ZNF536: variants seen among roughly 807,000 people sequenced by gnomAD.
The protein encoded by ZNF536 is zinc finger protein 536.
A neutral mutation model predicts 84.5 loss-of-function variants in ZNF536; 13 were observed. The ratio of observed to expected loss-of-function variants is 0.15; its 90% CI spans 0.10 to 0.24. The LOEUF is 0.24. Ranked by LOEUF, ZNF536 falls within the 10% of genes least tolerant of loss-of-function variation. The pLI is 1.00. For missense variants in ZNF536, 1,536 were observed against 1,747.5 expected (o/e 0.88, Z 2.16); for synonymous variants, 811 against 742.5 (o/e 1.09, Z -1.50).
intron 1 of ZNF536, among the ~76,000 whole-genome samples, chr19:30,404,729 G>A (rs888698442): frequency 2.0e-5 from 3 of 152,004 alleles, no homozygotes; most frequent in African/African-American, 4.8e-5. Context: ...CCAAATGTCC[G>A]GAGGCGGGGG....
At chr19:30,637,960 G>C (rs2049132457) in intron 1 of ZNF536, among the ~76,000 whole-genome samples, 1 of 152,192 alleles carries the variant, frequency 6.6e-6, no homozygotes, top group Non-Finnish European at 1.5e-5. Flanking sequence ...TTGCTCTGCT[G>C]TTGGATGTTT....
intron 2 of ZNF536, among the ~76,000 whole-genome samples, chr19:30,331,695 C>T (rs565452392): frequency 6.6e-6 from 1 of 152,326 alleles, no homozygotes; most frequent in South Asian, 2.1e-4. Context: ...GTGACCAACA[C>T]CTGAGCTCCT....
At chr19:30,609,773 CCCATCCATCCAT>C (rs34324485) in intron 1 of ZNF536, among the ~76,000 whole-genome samples, 1 of 136,852 alleles carries the variant, frequency 7.3e-6, no homozygotes, top group East Asian at 2.2e-4. Context: ...CACCCATCTA[CCCATCCATCCAT>C]CCATCCATCC....
At chr19:30,658,611 C>A (rs1195010174) in intron 1 of ZNF536, among the ~76,000 whole-genome samples, 1 of 152,164 alleles carries the variant, frequency 6.6e-6, no homozygotes, top group African/African-American at 2.4e-5. Flanking sequence ...TTGATGATTT[C>A]TTACCTTCCA....
intron 1 of ZNF536, among the ~76,000 whole-genome samples, chr19:30,571,568 G>A (rs1030442965): frequency 6.6e-6 from 1 of 152,132 alleles, no homozygotes; most frequent in African/African-American, 2.4e-5. Flanking sequence ...AGACTCAGAG[G>A]GATAGAACGA....
chr19:30,264,812 C>T (rs1303660894), intron 1 of ZNF536, among the ~76,000 whole-genome samples: 1 of 152,062 alleles, frequency 6.6e-6, no homozygotes, highest in Non-Finnish European at 1.5e-5. Flanking sequence ...TGTCTTTTGA[C>T]TGTTCTCATT....
At chr19:30,588,277 C>A (rs2146758353) in intron 1 of ZNF536, among the ~76,000 whole-genome samples, 1 of 152,320 alleles carries the variant, frequency 6.6e-6, no homozygotes, top group Non-Finnish European at 1.5e-5. Flanking sequence ...CAGTGGCATG[C>A]CAGGTACAGC....
At chr19:30,438,437 C>T (rs1311621860) in intron 1 of ZNF536, among the ~76,000 whole-genome samples, 1 of 152,184 alleles carries the variant, frequency 6.6e-6, no homozygotes, top group African/African-American at 2.4e-5. Flanking sequence ...ATTTGTGACT[C>T]CAGCTCCTGG....
intron 2 of ZNF536, among the ~76,000 whole-genome samples, chr19:30,339,972 A>G (rs897172764): frequency 7.9e-5 from 12 of 152,010 alleles, no homozygotes; most frequent in Non-Finnish European, 1.6e-4. Context: ...CTCAAGGAGG[A>G]CCAGTGGGCA....
intron 1 of ZNF536, among the ~76,000 whole-genome samples, chr19:30,683,114 C>G (rs955825251): frequency 1.3e-5 from 2 of 152,138 alleles, no homozygotes; most frequent in African/African-American, 4.8e-5. Context: ...CCGAGTGACT[C>G]ACGCGCCGTG....
Position 30,486,281 on chromosome 19 carries a change from G to A in ZNF536, c.2170+40549G>A, listed in dbSNP as rs762660897. On this transcript the variant is annotated intron_variant, in intron 2 of 4. Transcript: ENST00000355537. ...CCTCCCCGCTGACAAGCCCCAGTGT[G>A]TGTTGTTCCCCTCCCTGTGTCCATG... Among the ~76,000 whole-genome samples, 18 of 152,268 alleles carry A rather than the reference G, an allele frequency of 1.2e-4. 1 individual carries two copies. In the South Asian group the frequency reaches 3.1e-3, roughly 26 times the overall value.
chr19:30,261,297 C>CA (rs66862950), intron 1 of ZNF536, among the ~76,000 whole-genome samples: 7,084 of 23,166 alleles, frequency 0.31, 1,347 homozygotes, highest in Middle Eastern at 0.45. Flanking sequence ...GACTCCGTCT[C>CA]AAAAAAAAAA....
At position 30,445,462 on chromosome 19, in the gene ZNF536, C is replaced by T. The variant is rs2052280578; in HGVS notation, c.1900C>T (p.Pro634Ser). Residue 634 changes from proline to serine, a missense_variant, in exon 2 of 5, where the codon CCC becomes TCC. By Grantham distance (74) the Pro-to-Ser change is moderately conservative (BLOSUM62 -1). Coordinates refer to ENST00000355537, the MANE Select transcript of ZNF536 (RefSeq NM_014717.3). This position sits in a 1 kb window ranked among gnomAD's most constrained non-coding sequence, Gnocchi z 4.5. ...GNMKEKPTEC[P>S]DCGRVFRTYH... ...CATGAAGGAGAAGCCCACCGAGTGC[C>T]CCGACTGCGGCCGGGTGTTCCGCAC... is the stretch of plus-strand genomic sequence containing the variant. 2 of 1,614,184 alleles carry T rather than the reference C, an allele frequency of 1.2e-6. No individual in the cohort carries two copies. The highest frequency in any genetic ancestry group is 4.5e-5 in the East Asian group (2 of 44,864).
chr19:30,463,787 C>A (rs2053261827), intron 2 of ZNF536, among the ~76,000 whole-genome samples: 1 of 152,062 alleles, frequency 6.6e-6, no homozygotes, highest in Non-Finnish European at 1.5e-5. Flanking sequence ...GTGAGCTGGG[C>A]AGGTTACCAG....
intron 1 of ZNF536, among the ~76,000 whole-genome samples, chr19:30,231,707 C>T (rs1412835125): frequency 1.3e-5 from 2 of 152,104 alleles, no homozygotes; most frequent in Admixed American, 6.5e-5. Flanking sequence ...TGGCATTGAA[C>T]GTCCTTAGAG....
intron 2 of ZNF536, among the ~76,000 whole-genome samples, chr19:30,459,236 A>ATT (rs35590599): frequency 2.2e-5 from 3 of 136,190 alleles, no homozygotes; most frequent in African/African-American, 7.9e-5. Flanking sequence ...TATCATTTTC[A>ATT]TTTTTTTTTT....
chr19:30,472,544 A>G (rs759915485), intron 2 of ZNF536, among the ~76,000 whole-genome samples: 4 of 152,312 alleles, frequency 2.6e-5, no homozygotes, highest in Non-Finnish European at 5.9e-5. Flanking sequence ...CACGTGATGG[A>G]GGAGTCCCTT....
At chr19:30,566,878 G>A (rs560793795) in intron 1 of ZNF536, among the ~76,000 whole-genome samples, 1 of 151,450 alleles carries the variant, frequency 6.6e-6, no homozygotes, top group African/African-American at 2.4e-5. Flanking sequence ...GGAAGTCCCC[G>A]GGAGTGGCTT....
At chr19:30,560,880 C>T (rs1257549716), downstream of ZNF536, among the ~76,000 whole-genome samples, 1 of 152,230 alleles carries the variant, frequency 6.6e-6, no homozygotes. Context: ...GCAATATTGT[C>T]TCTGCGTAAG....
Sources: allele counts gnomAD v4.1 joint callset (sites outside exome capture counted in the v4.1 genomes callset), GRCh38; gene constraint gnomAD v4.1.1; non-coding constraint Gnocchi (gnomAD v3.1); transcripts MANE v1.5; gene names NCBI Gene and HGNC (gene_info 2026-07-23, HGNC 2026-07-21).